The following RPS6KA2 variants were observed in gnomAD, a reference collection of about 807,000 sequenced individuals.
The protein encoded by RPS6KA2 is ribosomal protein S6 kinase alpha-2.
Under a neutral mutation model 91.8 loss-of-function variants are expected in RPS6KA2, and 42 were observed. The ratio of observed to expected loss-of-function variants is 0.46; its 90% confidence interval spans 0.36 to 0.59. The LOEUF is 0.59. Ranked by LOEUF, RPS6KA2 falls within the 20% of genes least tolerant of loss-of-function variation. The probability of loss-of-function intolerance (pLI) is 0.00; values close to 1 mark genes in which losing one functional copy is unlikely to be tolerated. For synonymous variants in RPS6KA2, 414 were observed against 393.6 expected (o/e 1.05, Z -0.61); for missense variants, 798 against 978.5 (o/e 0.82, Z 2.46).
chr6:166,578,631 G>A (rs1447030771), intron 1 of RPS6KA2, among the ~76,000 whole-genome samples: 1 of 152,154 alleles, frequency 6.6e-6, no homozygotes, highest in Admixed American at 6.5e-5. Context: ...ACTAATCCTG[G>A]CCAGCATGCT....
chr6:166,791,410 A>G (rs1175620801), intron 2 of RPS6KA2, among the ~76,000 whole-genome samples: 1 of 152,202 alleles, frequency 6.6e-6, no homozygotes, highest in Non-Finnish European at 1.5e-5. Context: ...CCACACAATA[A>G]TAATGGGAGA....
chr6:166,794,448 G>C (rs534388984), intron 2 of RPS6KA2, among the ~76,000 whole-genome samples: 7 of 151,794 alleles, frequency 4.6e-5, no homozygotes, highest in Non-Finnish European at 8.9e-5. Context: ...TCAGTGTGGC[G>C]ATTCCTCAGG....
At chr6:166,667,377 C>T (rs1788345723) in intron 2 of RPS6KA2, among the ~76,000 whole-genome samples, 1 of 152,234 alleles carries the variant, frequency 6.6e-6, no homozygotes, top group South Asian at 2.1e-4. Context: ...TATTCTATAG[C>T]ATTTTAAACT....
At chr6:166,550,188 A>G (rs1783952373) in intron 1 of RPS6KA2, among the ~76,000 whole-genome samples, 1 of 152,234 alleles carries the variant, frequency 6.6e-6, no homozygotes, top group African/African-American at 2.4e-5. Context: ...TGAATTTCCT[A>G]TACAGAAATA....
intron 2 of RPS6KA2, among the ~76,000 whole-genome samples, chr6:166,805,967 C>A (rs113990071): frequency 6.6e-6 from 1 of 151,946 alleles, no homozygotes; most frequent in African/African-American, 2.4e-5. Flanking sequence ...AAGTACAATA[C>A]GTTAAATTTT....
intron 19 of RPS6KA2, among the ~76,000 whole-genome samples, chr6:166,416,451 A>G (rs1778528058): frequency 6.7e-6 from 1 of 150,136 alleles, no homozygotes; most frequent in Admixed American, 6.6e-5. Context: ...CACTACCATC[A>G]TCTCTCACTA....
chr6:166,816,859 G>A (rs55853675), intron 2 of RPS6KA2, among the ~76,000 whole-genome samples: 93,610 of 151,948 alleles, frequency 0.62, 30,572 homozygotes, highest in Non-Finnish European at 0.74. Flanking sequence ...AGAACAACAG[G>A]TAGTGCTCCA....
chr6:166,560,557 A>G (rs941283737), intron 1 of RPS6KA2, among the ~76,000 whole-genome samples: 1 of 152,336 alleles, frequency 6.6e-6, no homozygotes, highest in East Asian at 1.9e-4. Context: ...GGGTCTTAAT[A>G]TGCTTAGGGG....
intron 2 of RPS6KA2, among the ~76,000 whole-genome samples, chr6:166,744,204 C>G (rs1790908315): frequency 6.6e-6 from 1 of 152,248 alleles, no homozygotes; most frequent in South Asian, 2.1e-4. Context: ...CCTGGATTTT[C>G]CTTTTTAAAA....
chr6:166,763,160 G>A (rs980510877), intron 2 of RPS6KA2, among the ~76,000 whole-genome samples: 2 of 152,214 alleles, frequency 1.3e-5, no homozygotes, highest in Admixed American at 6.5e-5. Flanking sequence ...TACAGGTTTG[G>A]TTTCCAGACT....
rs930602233 is a variant in RPS6KA2 at position 166,639,182 on chromosome 6, G to A, written c.124-100398C>T. Among the ~76,000 whole-genome samples the A allele has an allele frequency of 3.3e-5, 5 of 152,178 alleles. No homozygotes were observed. Among genetic ancestry groups the A allele is most frequent in the African/African-American group, 1.2e-4 (5 of 41,444 alleles). On this transcript the variant is annotated intron_variant, in intron 2 of 21. Coordinates refer to the RPS6KA2 transcript ENST00000503859. This position sits in a 1 kb window ranked among gnomAD's most constrained non-coding sequence, Gnocchi z 4.2. Reference sequence around the variant, plus strand: ...AGTCGACTCCCAAATATGAGAATTTGTATCTGAAAACTCCCCTATTCAACT... The same window carrying A: ...AGTCGACTCCCAAATATGAGAATTTATATCTGAAAACTCCCCTATTCAACT...
At chr6:166,782,111 T>A (rs1478966285) in intron 2 of RPS6KA2, among the ~76,000 whole-genome samples, 1 of 152,134 alleles carries the variant, frequency 6.6e-6, no homozygotes, top group African/African-American at 2.4e-5. Context: ...GCTAACATGG[T>A]GAAACCCTGT....
rs964359144 is a variant in RPS6KA2 at position 166,437,224 on chromosome 6, C to A, written c.1333-4734G>T. Reference sequence around the variant, plus strand: ...AGCACCAGGGAGTGGGCCCCAAGTGCCTGCCAGCGCACTTCTTCTCTATGG... The same window carrying A: ...AGCACCAGGGAGTGGGCCCCAAGTGACTGCCAGCGCACTTCTTCTCTATGG... On this transcript the variant is annotated intron_variant, in intron 14 of 20. Transcript: ENST00000265678. This position sits in a 1 kb window ranked among gnomAD's most constrained non-coding sequence, Gnocchi z 4.3. Among the ~76,000 whole-genome samples, 6 of 152,044 alleles carry A rather than the reference C, an allele frequency of 3.9e-5. No individual in the cohort carries two copies. Among genetic ancestry groups the A allele is most frequent in the African/African-American group, 1.4e-4 (6 of 41,400 alleles).
At chr6:166,531,211 C>T (rs1274050318) in intron 3 of RPS6KA2, 21 bp downstream of exon 3, 15 of 1,563,652 alleles carry the variant, frequency 9.6e-6, no homozygotes, top group Non-Finnish European at 1.2e-5. Context: ...CTGAAGCAGC[C>T]GGCCCTTCCG....
intron 2 of RPS6KA2, among the ~76,000 whole-genome samples, chr6:166,796,954 G>A (rs572951685): frequency 3.3e-5 from 5 of 152,348 alleles, no homozygotes; most frequent in South Asian, 2.1e-4. Flanking sequence ...CCCAGGTACC[G>A]AACCTGAGAA....
intron 2 of RPS6KA2, among the ~76,000 whole-genome samples, chr6:166,847,298 T>C (rs1780631140): frequency 6.6e-6 from 1 of 152,196 alleles, no homozygotes; most frequent in Admixed American, 6.5e-5. Context: ...TGTTCATGGA[T>C]AGGTAGAATT....
chr6:166,691,645 C>T (rs1256290519), intron 2 of RPS6KA2, among the ~76,000 whole-genome samples: 7 of 152,172 alleles, frequency 4.6e-5, no homozygotes, highest in African/African-American at 9.7e-5. Flanking sequence ...CATTTTGACA[C>T]GACTTACCTG....
chr6:166,557,975 G>A lies in RPS6KA2; in HGVS notation c.100-19191C>T, dbSNP rs1583277522. Among the ~76,000 whole-genome samples, 1 of 150,894 alleles carries A rather than the reference G, an allele frequency of 6.6e-6. No individual in the cohort carries two copies. Among genetic ancestry groups the A allele is most frequent in the Non-Finnish European group, 1.5e-5 (1 of 67,680 alleles). On this transcript the variant is annotated intron_variant, in intron 1 of 20. Coordinates refer to ENST00000265678, the MANE Select transcript of RPS6KA2 (RefSeq NM_021135.6). The surrounding 1 kb of genome is among the most constrained non-coding windows in gnomAD (Gnocchi z 4.8). ...AGAGATGTATATGTATATACAGAGG[G>A]GTGTGTGTGTGTGTGTATATATGTA...
intron 12 of RPS6KA2, among the ~76,000 whole-genome samples, chr6:166,457,708 C>T (rs554448032): frequency 1.6e-4 from 25 of 152,228 alleles, no homozygotes; most frequent in Admixed American, 4.6e-4. Context: ...TCAAAAGTCC[C>T]GCTAAAAGCC....
Sources: allele counts gnomAD v4.1 joint callset (sites outside exome capture counted in the v4.1 genomes callset), GRCh38; gene constraint gnomAD v4.1.1; non-coding constraint Gnocchi (gnomAD v3.1); transcripts MANE v1.5; gene names NCBI Gene and HGNC (gene_info 2026-07-23, HGNC 2026-07-21).